Variants in HORMAD2 observed in about 807,000 individuals in gnomAD.
HORMAD2 encodes the protein HORMA domain-containing protein 2.
HORMAD2 carries 45 observed loss-of-function variants against 38.8 expected under a neutral mutation model. The ratio of observed to expected loss-of-function variants is 1.16; its 90% CI spans 0.91 to 1.49. The LOEUF (loss-of-function observed/expected upper bound fraction) is 1.49. HORMAD2 is among the 40% of genes most tolerant of loss of function. The pLI, the probability that HORMAD2 is intolerant of heterozygous loss-of-function variation, is 0.00. For synonymous variants in HORMAD2, 126 were observed against 122.8 expected (o/e 1.03, Z -0.17); for missense variants, 338 against 367.0 (o/e 0.92, Z 0.65).
At chr22:30,153,728 T>A (rs1293153077) in intron 10 of HORMAD2, among the ~76,000 whole-genome samples, 1 of 151,992 alleles carries the variant, frequency 6.6e-6, no homozygotes, top group Non-Finnish European at 1.5e-5. Context: ...CTATCATTAG[T>A]CACTTTCTCA....
chr22:30,125,722 AAAGTTT>A (rs1312182587), intron 10 of HORMAD2, among the ~76,000 whole-genome samples: 1 of 152,196 alleles, frequency 6.6e-6, no homozygotes, highest in Non-Finnish European at 1.5e-5. Flanking sequence ...TAATCCACTT[AAAGTTT>A]ATTTTCATTT....
chr22:30,088,040 T>C (rs1248084925), intron 1 of HORMAD2, among the ~76,000 whole-genome samples: 3 of 141,464 alleles, frequency 2.1e-5, no homozygotes, highest in Non-Finnish European at 4.7e-5. Context: ...TATATGTGTA[T>C]ACACACGTAC....
At position 30,088,132 on chromosome 22, in the gene HORMAD2, T is replaced by C. The variant is rs138108634; in HGVS notation, c.-37-5784T>C. On this transcript the variant is annotated intron_variant, in intron 1 of 10. Coordinates refer to ENST00000336726, the MANE Select transcript of HORMAD2 (RefSeq NM_152510.4). ...GTGTACATATACACACACGTACACATGTGTACATATACACATATGTATACA... is the reference window on the plus strand; with the variant it reads ...GTGTACATATACACACACGTACACACGTGTACATATACACATATGTATACA... Among the ~76,000 whole-genome samples, 333 of 113,430 alleles carry C rather than the reference T, an allele frequency of 2.9e-3. 1 individual carries two copies. The highest frequency in any genetic ancestry group is 0.014 in the African/African-American group (288 of 21,196). The allele number at this position is 113,430 out of a possible 152,430, so 74.4% of individuals were successfully genotyped here. A position where few individuals can be genotyped will look rare whatever the true frequency, so the allele number is the denominator to read the frequency against.
chr22:30,171,061 ATC>A (rs978803597), intron 10 of HORMAD2, among the ~76,000 whole-genome samples: 3 of 152,054 alleles, frequency 2.0e-5, no homozygotes, highest in South Asian at 4.2e-4. Context: ...GTCTTCTTTT[ATC>A]TCTCTCTTTC....
intron 1 of HORMAD2, among the ~76,000 whole-genome samples, chr22:30,083,836 C>G (rs1279223287): frequency 2.0e-5 from 3 of 152,094 alleles, no homozygotes; most frequent in Non-Finnish European, 4.4e-5. Flanking sequence ...GATCTTTTTG[C>G]CTTCCTGAAG....
chr22:30,136,044 A>G (rs1941975539), intron 10 of HORMAD2, among the ~76,000 whole-genome samples: 1 of 152,240 alleles, frequency 6.6e-6, no homozygotes, highest in African/African-American at 2.4e-5. Flanking sequence ...ACCAAGTACA[A>G]TGATAGCCTA....
At chr22:30,186,327 A>G in the HORMAD2 span, among the ~76,000 whole-genome samples, 18 of 148,660 alleles carry the variant, frequency 1.2e-4, no homozygotes, top group Non-Finnish European at 2.2e-4. Flanking sequence ...TCCTCTGGAT[A>G]GGAGACCCCT....
At chr22:30,168,382 G>T (rs549738738) in intron 10 of HORMAD2, among the ~76,000 whole-genome samples, 1 of 152,274 alleles carries the variant, frequency 6.6e-6, no homozygotes, top group Admixed American at 6.5e-5. Context: ...TTTGTCCCAA[G>T]TGAATACTTC....
the HORMAD2 span, among the ~76,000 whole-genome samples, chr22:30,189,847 C>A: frequency 7.7e-4 from 118 of 152,260 alleles, no homozygotes; most frequent in African/African-American, 2.8e-3. Context: ...CCTGTGCTCT[C>A]ACACCATGCC....
rs571835335 is a variant in HORMAD2, at chr22:30,114,737, G to C, written c.342+2215G>C. The stretch of plus-strand genomic sequence containing the variant: ...ATGGTATAACAATTGAGAACCTCTG[G>C]CTTAAATCAAACAAGTGTGTGTCCC... On this transcript the variant is annotated intron_variant, in intron 7 of 10. Transcript: ENST00000336726. Among the ~76,000 whole-genome samples the C allele has an allele frequency of 4.6e-5, 7 of 152,254 alleles. No homozygotes were observed. The South Asian group carries it at 1.2e-3, about 27-fold the overall frequency.
intron 2 of HORMAD2, among the ~76,000 whole-genome samples, chr22:30,095,603 G>A (rs972601666): frequency 1.3e-5 from 2 of 152,118 alleles, no homozygotes; most frequent in South Asian, 2.1e-4. Flanking sequence ...TAAGCCACAC[G>A]AGGGAGAGGA....
At chr22:30,092,542 A>G (rs2068709995) in intron 1 of HORMAD2, among the ~76,000 whole-genome samples, 1 of 151,800 alleles carries the variant, frequency 6.6e-6, no homozygotes, top group South Asian at 2.1e-4. Flanking sequence ...TGGTTTTGTT[A>G]CCTGTGCATT....
At chr22:30,114,863 C>T (rs1210699675) in intron 7 of HORMAD2, among the ~76,000 whole-genome samples, 1 of 152,098 alleles carries the variant, frequency 6.6e-6, no homozygotes, top group African/African-American at 2.4e-5. Flanking sequence ...AAGAGATGAC[C>T]AACGAAAGTA....
chr22:30,134,267 C>T (rs1389013014), intron 10 of HORMAD2, among the ~76,000 whole-genome samples: 7 of 151,340 alleles, frequency 4.6e-5, no homozygotes, highest in Non-Finnish European at 7.4e-5. Flanking sequence ...GGCATTGTGG[C>T]GGATGCTTGT....
intron 10 of HORMAD2, among the ~76,000 whole-genome samples, chr22:30,159,166 G>A (rs942249429): frequency 7.9e-5 from 12 of 152,106 alleles, no homozygotes; most frequent in African/African-American, 2.7e-4. Context: ...AAAATAAGGC[G>A]GAGAGTTTCA....
chr22:30,185,869 A>G, the HORMAD2 span, among the ~76,000 whole-genome samples: 3 of 151,934 alleles, frequency 2.0e-5, no homozygotes, highest in African/African-American at 7.2e-5. Flanking sequence ...ATTAAAAAAA[A>G]AAAAATAAAA....
intron 1 of HORMAD2, among the ~76,000 whole-genome samples, chr22:30,090,157 A>G (rs1329691090): frequency 6.6e-6 from 1 of 152,084 alleles, no homozygotes; most frequent in Non-Finnish European, 1.5e-5. Flanking sequence ...GAACCTAGGA[A>G]TTCAAGACCA....
upstream of HORMAD2, among the ~76,000 whole-genome samples, chr22:30,078,271 C>T (rs756318369): frequency 2.6e-5 from 4 of 152,054 alleles, no homozygotes; most frequent in Non-Finnish European, 5.9e-5. Flanking sequence ...CTTACTTATT[C>T]CAGGTGATAG....
At chr22:30,187,545 G>GT in the HORMAD2 span, among the ~76,000 whole-genome samples, 2 of 147,006 alleles carry the variant, frequency 1.4e-5, no homozygotes, top group Non-Finnish European at 1.5e-5. Context: ...ATTTTTTTCC[G>GT]TTTTTTTCAA....
Sources: gnomAD v4.1 joint callset for allele counts (sites outside exome capture counted in the v4.1 genomes callset) on GRCh38, gnomAD v4.1.1 for gene constraint, MANE v1.5 for transcripts, NCBI Gene and HGNC (gene_info 2026-07-23, HGNC 2026-07-21) for gene names.